The following RERE variants were observed in gnomAD, a reference collection of about 807,000 sequenced individuals.
The protein encoded by RERE is arginine-glutamic acid dipeptide repeats protein.
A neutral mutation model predicts 146.1 loss-of-function variants in RERE; 40 were observed. The observed-to-expected ratio is 0.27, with a 90% confidence interval of 0.21 to 0.36. The LOEUF is 0.36. Among genes scored for constraint, RERE ranks in the 10% least tolerant of loss-of-function variants. The pLI, the probability that RERE is intolerant of heterozygous loss-of-function variation, is 1.00. For synonymous variants in RERE, 1,003 were observed against 866.0 expected (o/e 1.16, Z -2.78); for missense variants, 1,933 against 2,138.7 (o/e 0.90, Z 1.90).
chr1:8,472,976 A>C (rs1463217862), intron 10 of RERE, among the ~76,000 whole-genome samples: 1 of 152,106 alleles, frequency 6.6e-6, no homozygotes, highest in Non-Finnish European at 1.5e-5. Flanking sequence ...TGTCTTCCCT[A>C]AACCACAGGT....
intron 2 of RERE, among the ~76,000 whole-genome samples, chr1:8,647,281 T>C (rs181672004): frequency 1.4e-3 from 212 of 152,266 alleles, no homozygotes; most frequent in African/African-American, 4.9e-3. Flanking sequence ...TTAAAGATGA[T>C]TGTGCAGATA....
At chr1:8,767,153 C>T (rs1308490291) in intron 1 of RERE, among the ~76,000 whole-genome samples, 2 of 152,144 alleles carry the variant, frequency 1.3e-5, no homozygotes, top group South Asian at 4.1e-4. Flanking sequence ...TTGGGTATCA[C>T]TGGCATGTAG....
At chr1:8,756,393 C>T (rs1239848364) in intron 1 of RERE, among the ~76,000 whole-genome samples, 1 of 152,052 alleles carries the variant, frequency 6.6e-6, no homozygotes, top group South Asian at 2.1e-4. Flanking sequence ...ATTATTAATT[C>T]TAGTGCTATA....
intron 7 of RERE, among the ~76,000 whole-genome samples, chr1:8,540,078 T>TATTC (rs1645780400): frequency 6.6e-6 from 1 of 151,560 alleles, no homozygotes; most frequent in Non-Finnish European, 1.5e-5. Context: ...TATTATTTAT[T>TATTC]ATTTATTTAT....
At position 8,758,387 on chromosome 1, in the gene RERE, C is replaced by CTT. The variant is rs34187776; in HGVS notation, c.-145+58771_-145+58772dup. ...TGAGCCACCGTGCCTGGCCCTCAAT[C>CTT]TTTTTTTTTTTTTTTTTTTAAAGAA... On this transcript the variant is annotated intron_variant, in intron 1 of 22. Coordinates refer to ENST00000400908, the MANE Select transcript of RERE (RefSeq NM_001042681.2). Among the ~76,000 whole-genome samples the CTT allele has an allele frequency of 7.6e-5, 10 of 132,070 alleles. 1 individual carries two copies. Among genetic ancestry groups the CTT allele is most frequent in the Non-Finnish European group, 9.7e-5 (6 of 61,818 alleles). 86.6% of individuals were successfully genotyped at this position (132,070 alleles called of 152,430 possible).
intron 10 of RERE, among the ~76,000 whole-genome samples, chr1:8,481,019 T>C (rs1644826988): frequency 1.3e-5 from 2 of 152,218 alleles, no homozygotes; most frequent in African/African-American, 2.4e-5. Context: ...CAGTCCCTGC[T>C]GAGCACCTAG....
intron 4 of RERE, among the ~76,000 whole-genome samples, chr1:8,602,295 GC>G (rs1646642278): frequency 6.6e-6 from 1 of 151,892 alleles, no homozygotes; most frequent in Admixed American, 6.6e-5. Context: ...GGAGGCTGAG[GC>G]AGGAGAATCA....
intron 2 of RERE, among the ~76,000 whole-genome samples, chr1:8,649,838 GT>G (rs1557457237): frequency 6.6e-6 from 1 of 151,928 alleles, no homozygotes; most frequent in East Asian, 1.9e-4. Flanking sequence ...AAGAATTGCT[GT>G]TTTTTTGGAG....
At chr1:8,488,389 G>A (rs1005591305) in intron 10 of RERE, among the ~76,000 whole-genome samples, 13 of 152,176 alleles carry the variant, frequency 8.5e-5, no homozygotes, top group African/African-American at 2.2e-4. Context: ...GAGATTACAC[G>A]CACGTGCCAC....
chr1:8,752,105 A>G (rs1287866813), intron 1 of RERE, among the ~76,000 whole-genome samples: 1 of 152,158 alleles, frequency 6.6e-6, no homozygotes. Context: ...GACAGCAAAA[A>G]GACACAGAGG....
chr1:8,405,283 A>G (rs976418806), intron 12 of RERE, among the ~76,000 whole-genome samples: 1 of 152,216 alleles, frequency 6.6e-6, no homozygotes, highest in African/African-American at 2.4e-5. Context: ...TAAGGAAATA[A>G]CTGCCCCCAG....
At chr1:8,417,200 G>A (rs1643800982) in intron 12 of RERE, among the ~76,000 whole-genome samples, 1 of 152,106 alleles carries the variant, frequency 6.6e-6, no homozygotes, top group Non-Finnish European at 1.5e-5. Flanking sequence ...TTGAATACTA[G>A]AATCATTTTT....
intron 8 of RERE, among the ~76,000 whole-genome samples, chr1:8,502,883 A>ATTC (rs1235152050): frequency 2.0e-5 from 3 of 150,562 alleles, no homozygotes; most frequent in African/African-American, 7.4e-5. Context: ...CAGATGCTTG[A>ATTC]AGGCAGCGTG....
intron 12 of RERE, among the ~76,000 whole-genome samples, chr1:8,408,156 A>C (rs1211561160): frequency 6.6e-6 from 1 of 152,088 alleles, no homozygotes; most frequent in Non-Finnish European, 1.5e-5. Context: ...AGGTTGAAGC[A>C]GCCTGCATAA....
intron 11 of RERE, among the ~76,000 whole-genome samples, chr1:8,430,966 A>G (rs1050704473): frequency 3.9e-5 from 6 of 152,226 alleles, no homozygotes; most frequent in Non-Finnish European, 7.3e-5. Flanking sequence ...TCATGCCATT[A>G]AAGTCCGTAG....
chr1:8,561,472 G>A (rs1258966395), intron 4 of RERE, among the ~76,000 whole-genome samples: 1 of 149,760 alleles, frequency 6.7e-6, no homozygotes, highest in African/African-American at 2.6e-5. Flanking sequence ...AGTTCAGTCT[G>A]CAACTGCTAG....
intron 11 of RERE, 71 bp from the exon 12 acceptor site, chr1:8,422,878 C>G: frequency 9.2e-7 from 1 of 1,092,246 alleles, no homozygotes; most frequent in Middle Eastern, 2.3e-4. Flanking sequence ...GCAAAGATAT[C>G]TACAATCAGC....
chr1:8,610,890 G>T (rs1646785087), intron 4 of RERE, among the ~76,000 whole-genome samples: 2 of 148,912 alleles, frequency 1.3e-5, no homozygotes, highest in African/African-American at 4.9e-5. Context: ...CAAAAATAAT[G>T]ATTTAAAAAA....
Position 8,728,276 on chromosome 1 carries a change from A to G in RERE, c.-144-71835T>C, listed in dbSNP as rs199684193. Among the ~76,000 whole-genome samples the G allele has an allele frequency of 3.3e-5, 5 of 152,320 alleles. No individual in the cohort carries two copies. In the East Asian group the frequency reaches 7.7e-4, roughly 23 times the overall value. ...AAATTAAAATCATTCCTCTAACCTA[A>G]TAACTCCATAGGCACCTATAACACA... On this transcript the variant is annotated intron_variant, in intron 1 of 22. Coordinates refer to ENST00000400908, the MANE Select transcript of RERE (RefSeq NM_001042681.2).
Sources: gnomAD v4.1 joint callset for allele counts (sites outside exome capture counted in the v4.1 genomes callset) on GRCh38, gnomAD v4.1.1 for gene constraint, MANE v1.5 for transcripts, NCBI Gene and HGNC (gene_info 2026-07-23, HGNC 2026-07-21) for gene names.